The following ARHGAP29 variants were observed in gnomAD, a reference collection of about 807,000 sequenced individuals.
The protein encoded by ARHGAP29 is rho GTPase-activating protein 29.
A neutral mutation model predicts 122.6 loss-of-function variants in ARHGAP29; 43 were observed. The observed-to-expected ratio is 0.35, with a 90% CI of 0.27 to 0.45. ARHGAP29 has a LOEUF of 0.45. Ranked by LOEUF, ARHGAP29 falls within the 20% of genes least tolerant of loss-of-function variation. ARHGAP29 has a pLI of 1.00. For synonymous variants in ARHGAP29, 506 were observed against 497.1 expected (o/e 1.02, Z -0.24); for missense variants, 1,303 against 1,477.2 (o/e 0.88, Z 1.93).
chr1:94,180,601 C>T (rs1446144744), intron 19 of ARHGAP29, among the ~76,000 whole-genome samples: 1 of 152,162 alleles, frequency 6.6e-6, no homozygotes, highest in African/African-American at 2.4e-5. Context: ...TGTGGTGAGT[C>T]AGAAGGTAGG....
the ARHGAP29 span, among the ~76,000 whole-genome samples, chr1:94,293,626 T>A: frequency 6.6e-6 from 1 of 152,162 alleles, no homozygotes; most frequent in Non-Finnish European, 1.5e-5. Flanking sequence ...GTGACCCACC[T>A]CTTTTCTTTA....
intron 15 of ARHGAP29, 110 bp from the exon 16 acceptor site, chr1:94,186,707 T>C (rs1018311165): frequency 1.0e-5 from 8 of 801,910 alleles, no homozygotes; most frequent in African/African-American, 1.8e-5. Flanking sequence ...TTAGCTTCAA[T>C]GTAAAAATTT....
intron 12 of ARHGAP29, among the ~76,000 whole-genome samples, chr1:94,199,677 A>G (rs536372350): frequency 2.6e-5 from 4 of 152,310 alleles, no homozygotes; most frequent in African/African-American, 9.6e-5. Context: ...TATGCTCCAA[A>G]GTCCATGGAA....
At chr1:94,191,922 T>C (rs1189132032) in intron 12 of ARHGAP29, 1 of 152,186 alleles carries the variant, frequency 6.6e-6, no homozygotes, top group Non-Finnish European at 1.5e-5. Context: ...TGAATTAATG[T>C]AGACCATGAG....
the ARHGAP29 span, among the ~76,000 whole-genome samples, chr1:94,308,658 C>T: frequency 6.6e-6 from 1 of 152,196 alleles, no homozygotes; most frequent in East Asian, 1.9e-4. Flanking sequence ...GATCTCACCT[C>T]TTAGTCCAGC....
chr1:94,237,365 C>T, intron 1 of ARHGAP29, 50 bp downstream of exon 1: 1 of 980,972 alleles, frequency 1.0e-6, no homozygotes, highest in Non-Finnish European at 1.2e-6. Flanking sequence ...AACCCCAGCC[C>T]GGAGCCACGA....
At chr1:94,178,348 T>G (rs976898118) in intron 20 of ARHGAP29, among the ~76,000 whole-genome samples, 181 bp from the exon 21 acceptor site, 1 of 152,212 alleles carries the variant, frequency 6.6e-6, no homozygotes, top group Non-Finnish European at 1.5e-5. Flanking sequence ...AAATAGAGTT[T>G]CACAGTTTCA....
the ARHGAP29 span, among the ~76,000 whole-genome samples, chr1:94,296,952 G>A: frequency 6.6e-6 from 1 of 152,174 alleles, no homozygotes; most frequent in Admixed American, 6.5e-5. Context: ...GCTTTTTATG[G>A]ATTTCATTTT....
the ARHGAP29 span, chr1:94,302,090 T>C: frequency 7.2e-6 from 2 of 277,518 alleles, no homozygotes; most frequent in African/African-American, 2.3e-5. Flanking sequence ...GGGCACCTGG[T>C]CACCACGGCT....
intron 12 of ARHGAP29, chr1:94,191,804 G>A (rs1650147230): frequency 6.6e-6 from 1 of 152,174 alleles, no homozygotes; most frequent in Non-Finnish European, 1.5e-5. Flanking sequence ...CAAAGTAATG[G>A]CAATATGACT....
intron 12 of ARHGAP29, chr1:94,191,647 T>C (rs1397066387): frequency 6.6e-6 from 1 of 152,174 alleles, no homozygotes; most frequent in Non-Finnish European, 1.5e-5. Context: ...CTAGGTGACC[T>C]TCATCAAGTT....
At chr1:94,175,088 A>G (rs2101322830) in intron 22 of ARHGAP29, among the ~76,000 whole-genome samples, 1 of 152,274 alleles carries the variant, frequency 6.6e-6, no homozygotes, top group East Asian at 1.9e-4. Context: ...ACATTGGAAA[A>G]TTAACCTCAG....
At chr1:94,220,430 A>C (rs756427221) in intron 2 of ARHGAP29, 38 bp from the exon 3 acceptor site, 1 of 1,508,416 alleles carries the variant, frequency 6.6e-7, no homozygotes, top group South Asian at 1.2e-5. Context: ...TTCCAGAGCA[A>C]AGTTCCACAA....
intron 1 of ARHGAP29, among the ~76,000 whole-genome samples, chr1:94,261,775 ACATCT>A (rs1168699915): frequency 6.6e-6 from 1 of 152,206 alleles, no homozygotes; most frequent in Non-Finnish European, 1.5e-5. Flanking sequence ...AAATGGAAAA[ACATCT>A]CATGCTCATG....
upstream of ARHGAP29, among the ~76,000 whole-genome samples, chr1:94,278,628 TGA>T (rs59162275): frequency 1.7e-3 from 260 of 152,314 alleles, no homozygotes; most frequent in African/African-American, 4.6e-3. Flanking sequence ...AGAAATGTCT[TGA>T]GAGACATTCT....
intron 2 of ARHGAP29, among the ~76,000 whole-genome samples, chr1:94,223,171 C>G (rs1033705907): frequency 6.6e-6 from 1 of 152,204 alleles, no homozygotes; most frequent in African/African-American, 2.4e-5. Flanking sequence ...GTCTTGATCT[C>G]CTGACCTCGT....
Position 94,172,451 on chromosome 1 carries a change from T to C in ARHGAP29, c.*1418A>G, listed in dbSNP as rs922946321. On this transcript the variant is annotated 3_prime_UTR_variant, in exon 23 of 23. Coordinates refer to ENST00000260526, the MANE Select transcript of ARHGAP29 (RefSeq NM_004815.4). ...CCTAGACCTTTACATCACATAGAAC[T>C]ATAAAACAGGTTTCCATAAAATTCA... 2.0e-5 allele frequency: 3 copies of C among 152,204 alleles called. No homozygotes were observed. In the East Asian group the frequency reaches 5.8e-4, roughly 29 times the overall value. 9.4% of individuals were successfully genotyped at this position (152,204 alleles called of 1,614,324 possible).
At chr1:94,300,841 G>A in the ARHGAP29 span, among the ~76,000 whole-genome samples, 1 of 152,150 alleles carries the variant, frequency 6.6e-6, no homozygotes, top group Admixed American at 6.5e-5. Flanking sequence ...TAATGAATGA[G>A]CAGATTAATG....
chr1:94,298,597 A>G, the ARHGAP29 span, among the ~76,000 whole-genome samples: 15 of 152,298 alleles, frequency 9.8e-5, no homozygotes, highest in African/African-American at 3.4e-4. Flanking sequence ...GATAGGTGTG[A>G]TCCTTAAAAG....
Sources: gnomAD v4.1 joint callset for allele counts (sites outside exome capture counted in the v4.1 genomes callset) on GRCh38, gnomAD v4.1.1 for gene constraint, MANE v1.5 for transcripts, NCBI Gene and HGNC (gene_info 2026-07-23, HGNC 2026-07-21) for gene names.